The following SLC9A6 variants were observed in gnomAD, a reference collection of about 807,000 sequenced individuals.
SLC9A6 encodes the protein solute carrier family 9 member A6.
SLC9A6 carries 6 observed loss-of-function variants against 45.3 expected under a neutral mutation model. The observed-to-expected ratio is 0.13, with a 90% CI of 0.07 to 0.26. SLC9A6 has a LOEUF of 0.26. Ranked by LOEUF, SLC9A6 falls within the 10% of genes least tolerant of loss-of-function variation. The probability of loss-of-function intolerance (pLI) is 1.00; values close to 1 mark genes in which losing one functional copy is unlikely to be tolerated. For synonymous variants in SLC9A6, 191 were observed against 187.7 expected (o/e 1.02, Z -0.14); for missense variants, 278 against 503.7 (o/e 0.55, Z 4.29).
At chrX:136,040,848 G>A (rs2071495047) in intron 17 of SLC9A6, among the ~76,000 whole-genome samples, 1 of 112,503 alleles carries the variant, frequency 8.9e-6, no homozygotes, top group African/African-American at 3.2e-5. Flanking sequence ...CTGGCCAGGC[G>A]TGGTGGCTCA....
intron 3 of SLC9A6, among the ~76,000 whole-genome samples, chrX:135,997,023 C>A (rs1487197166): frequency 5.4e-5 from 6 of 110,906 alleles, no homozygotes; most frequent in Admixed American, 4.8e-4. Context: ...GCCTTGGCCT[C>A]CCAAAGTGCT....
At chrX:136,012,215 G>A (rs1556618760) in intron 8 of SLC9A6, among the ~76,000 whole-genome samples, 1 of 113,317 alleles carries the variant, frequency 8.8e-6, no homozygotes, top group African/African-American at 3.2e-5. Flanking sequence ...TGCTGGAAGA[G>A]GCTTCTTTTA....
At chrX:135,992,612 A>G (rs2089449848) in intron 2 of SLC9A6, among the ~76,000 whole-genome samples, 2 of 111,928 alleles carry the variant, frequency 1.8e-5, no homozygotes, top group Non-Finnish European at 3.8e-5. Flanking sequence ...CTTGACTGAT[A>G]TGTACTACTA....
intron 11 of SLC9A6, among the ~76,000 whole-genome samples, chrX:136,019,550 G>A (rs937453199): frequency 6.2e-5 from 7 of 112,479 alleles, no homozygotes; most frequent in Non-Finnish European, 1.3e-4. Flanking sequence ...TCACTGCCAC[G>A]TTGGCCCACA....
intron 16 of SLC9A6, among the ~76,000 whole-genome samples, chrX:136,034,955 C>A (rs1254873253): frequency 1.8e-5 from 2 of 111,193 alleles, no homozygotes; most frequent in Non-Finnish European, 3.8e-5. Context: ...AGTGAGTTTT[C>A]TGCATAAAAT....
intron 16 of SLC9A6, among the ~76,000 whole-genome samples, chrX:136,037,445 G>C (rs782118947): frequency 4.2e-4 from 47 of 112,525 alleles, no homozygotes; most frequent in Non-Finnish European, 8.3e-4. Context: ...CACAGCTCTT[G>C]TACATTTTCA....
intron 2 of SLC9A6, among the ~76,000 whole-genome samples, chrX:135,988,533 TC>T (rs1321227977): frequency 1.9e-5 from 2 of 102,699 alleles, no homozygotes; most frequent in Admixed American, 1.2e-4. Flanking sequence ...TCTTTCTCTC[TC>T]TTTCTTTCTT....
intron 7 of SLC9A6, among the ~76,000 whole-genome samples, chrX:136,004,407 T>C (rs2089626528): frequency 9.0e-6 from 1 of 111,410 alleles, no homozygotes; most frequent in Admixed American, 9.6e-5. Context: ...CCTACTCTTA[T>C]TAGGCAAATA....
At position 135,994,776 on chromosome X, in the gene SLC9A6, T is replaced by C. The variant is rs1556616213; in HGVS notation, c.170-10T>C. The C allele has an allele frequency of 3.3e-6, 4 of 1,209,760 alleles. No individual in the cohort carries two copies. The highest frequency in any genetic ancestry group is 4.5e-6 in the Non-Finnish European group (4 of 893,532). ...TCGGCAAGAAGAGCTTATGTTGTTC[T>C]TTTTTCCAGGTCTTTTGGTGGGCCT... On this transcript the variant is annotated splice_polypyrimidine_tract_variant and intron_variant, in intron 2 of 17. Transcript: ENST00000630721.
intron 13 of SLC9A6, among the ~76,000 whole-genome samples, chrX:136,027,280 G>A (rs1263073346): frequency 9.0e-6 from 1 of 111,211 alleles, no homozygotes; most frequent in Non-Finnish European, 1.9e-5. Context: ...GGCCAGGGAC[G>A]GTTTCTTTGA....
chrX:135,979,923 G>A (rs2089278846), intron 1 of SLC9A6, among the ~76,000 whole-genome samples: 2 of 110,004 alleles, frequency 1.8e-5, no homozygotes, highest in Admixed American at 9.7e-5. Context: ...ACACCACCAC[G>A]CCCAGCTAAT....
At chrX:136,019,590 T>C (rs2071085411) in intron 11 of SLC9A6, among the ~76,000 whole-genome samples, 1 of 112,623 alleles carries the variant, frequency 8.9e-6, no homozygotes, top group Non-Finnish European at 1.9e-5. Context: ...CTTTTCTTTT[T>C]AGGGAATCAC....
At chrX:136,007,163 G>A (rs1424356277) in intron 7 of SLC9A6, among the ~76,000 whole-genome samples, 3 of 111,019 alleles carry the variant, frequency 2.7e-5, no homozygotes, top group Admixed American at 9.6e-5. Context: ...CACTGTGCTC[G>A]GCCAGAATTG....
At chrX:135,996,993 C>A (rs2089510936) in intron 3 of SLC9A6, among the ~76,000 whole-genome samples, 1 of 111,053 alleles carries the variant, frequency 9.0e-6, no homozygotes, top group Non-Finnish European at 1.9e-5. Flanking sequence ...GTCTCGATCT[C>A]CTGACTTTGT....
At chrX:135,974,802 C>T (rs2148122973) in intron 1 of SLC9A6, 3 of 311,396 alleles carry the variant, frequency 9.6e-6, no homozygotes, top group African/African-American at 2.7e-5. Context: ...GAAAGATTCG[C>T]GCAAAAAGAG....
intron 10 of SLC9A6, among the ~76,000 whole-genome samples, chrX:136,015,556 GT>G (rs1556619187): frequency 1.8e-5 from 2 of 111,513 alleles, no homozygotes. Context: ...ACCTCACTGA[GT>G]TTTTGTGGGA....
At chrX:136,035,810 G>A (rs1415961774) in intron 16 of SLC9A6, among the ~76,000 whole-genome samples, 1 of 110,994 alleles carries the variant, frequency 9.0e-6, no homozygotes, top group East Asian at 2.8e-4. Context: ...CTGGAATGCA[G>A]TGGCACAATC....
chrX:136,032,636 C>T (rs1022725916), intron 15 of SLC9A6, among the ~76,000 whole-genome samples: 18 of 111,980 alleles, frequency 1.6e-4, no homozygotes, highest in African/African-American at 5.2e-4. Context: ...CGCCTACTTG[C>T]TATGTTAGTT....
At position 136,046,849 on chromosome X, in the gene SLC9A6, T is replaced by C. The variant is rs1254183039; in HGVS notation, c.*2125T>C. ...GAATGAACTTTGATGAAGTACAGTC[T>C]GAGTTACCATCATGCACAAGTAGAA... is the stretch of plus-strand genomic sequence containing the variant. On this transcript the variant is annotated 3_prime_UTR_variant, in exon 18 of 18. Coordinates refer to ENST00000630721, the MANE Select transcript of SLC9A6 (RefSeq NM_001379110.1). The C allele has an allele frequency of 3.5e-5, 4 of 112,885 alleles. No homozygotes were observed. The highest frequency in any genetic ancestry group is 7.5e-5 in the Non-Finnish European group (4 of 53,370). 9.3% of individuals were successfully genotyped at this position (112,885 alleles called of 1,213,427 possible).
Sources: gnomAD v4.1 joint callset for allele counts (sites outside exome capture counted in the v4.1 genomes callset) on GRCh38, gnomAD v4.1.1 for gene constraint, MANE v1.5 for transcripts, NCBI Gene and HGNC (gene_info 2026-07-23, HGNC 2026-07-21) for gene names.